CFDP1: variants seen among roughly 807,000 people sequenced by gnomAD.
CFDP1 encodes the protein chromatin remodeling protein CFDP1, also known as heterochromatin-stabilizing protein CFDP1.
CFDP1 carries 31 observed loss-of-function variants against 40.1 expected under a neutral mutation model. That is an observed-to-expected ratio of 0.77 (90% CI 0.58 to 1.04). CFDP1 has a LOEUF of 1.04. Ranked by LOEUF, CFDP1 falls within the 50% of genes least tolerant of loss-of-function variation. The pLI is 0.00. For missense variants in CFDP1, 423 were observed against 343.4 expected (o/e 1.23, Z -1.83); for synonymous variants, 167 against 120.0 (o/e 1.39, Z -2.56).
intron 5 of CFDP1, among the ~76,000 whole-genome samples, chr16:75,340,174 A>G (rs114857016): frequency 5.3e-4 from 80 of 152,330 alleles, no homozygotes; most frequent in African/African-American, 1.8e-3. Flanking sequence ...CGACTGATAA[A>G]ATCACATTTC....
chr16:75,331,038 TTCACA>T (rs1444687910), intron 5 of CFDP1, among the ~76,000 whole-genome samples: 18 of 151,746 alleles, frequency 1.2e-4, no homozygotes, highest in African/African-American at 4.4e-4. Flanking sequence ...TGGGACTTAT[TTCACA>T]GCTATTCAGG....
At chr16:75,319,216 G>A (rs145298437) in intron 5 of CFDP1, among the ~76,000 whole-genome samples, 1,580 of 152,004 alleles carry the variant, frequency 0.01, 17 homozygotes, top group African/African-American at 0.037. Flanking sequence ...GCTAATTTTT[G>A]TATTTTTAGT....
chr16:75,358,709 C>T (rs2078662236), intron 5 of CFDP1, among the ~76,000 whole-genome samples: 1 of 152,082 alleles, frequency 6.6e-6, no homozygotes, highest in Non-Finnish European at 1.5e-5. Context: ...CAGACATTTT[C>T]TCTTTTCTCG....
intron 1 of CFDP1, among the ~76,000 whole-genome samples, chr16:75,428,854 C>T (rs1255994860): frequency 2.0e-5 from 3 of 152,066 alleles, no homozygotes; most frequent in African/African-American, 4.8e-5. Context: ...TAGAGGCTCA[C>T]GCCTGTAATC....
At chr16:75,409,509 T>G (rs2079136972) in intron 4 of CFDP1, 1 of 152,216 alleles carries the variant, frequency 6.6e-6, no homozygotes, top group African/African-American at 2.4e-5. Flanking sequence ...TTCTAGTAAT[T>G]CCTTTTTATT....
At chr16:75,398,860 C>T (rs2079021711) in intron 4 of CFDP1, among the ~76,000 whole-genome samples, 2 of 151,974 alleles carry the variant, frequency 1.3e-5, no homozygotes, top group Admixed American at 1.3e-4. Context: ...TGAGACCACC[C>T]TGGCTAACAC....
chr16:75,365,482 T>A (rs956660534), intron 5 of CFDP1, among the ~76,000 whole-genome samples: 9 of 152,164 alleles, frequency 5.9e-5, no homozygotes, highest in Non-Finnish European at 2.9e-5. Context: ...AGAAAGATGC[T>A]TCTCCATGGG....
At chr16:75,414,543 C>A in intron 2 of CFDP1, 35 bp downstream of exon 2, 1 of 1,246,766 alleles carries the variant, frequency 8.0e-7, no homozygotes, top group Non-Finnish European at 1.2e-6. Flanking sequence ...GTGACAATAG[C>A]CCCTAACTTC....
intron 5 of CFDP1, among the ~76,000 whole-genome samples, chr16:75,312,314 T>A (rs2078297686): frequency 6.6e-6 from 1 of 152,198 alleles, no homozygotes; most frequent in South Asian, 2.1e-4. Flanking sequence ...ACCAGAAGTA[T>A]GACAAGAAGT....
chr16:75,419,689 A>G (rs1176800011), intron 1 of CFDP1, among the ~76,000 whole-genome samples: 1 of 152,184 alleles, frequency 6.6e-6, no homozygotes, highest in African/African-American at 2.4e-5. Flanking sequence ...CCTTGCTGAT[A>G]AAACAGTCTG....
At chr16:75,338,997 G>T (rs1409232659) in intron 5 of CFDP1, among the ~76,000 whole-genome samples, 1 of 152,070 alleles carries the variant, frequency 6.6e-6, no homozygotes, top group African/African-American at 2.4e-5. Flanking sequence ...TAACTTCACA[G>T]TGGGCACTCA....
At chr16:75,360,408 T>G (rs1232110073) in intron 5 of CFDP1, among the ~76,000 whole-genome samples, 1 of 152,216 alleles carries the variant, frequency 6.6e-6, no homozygotes, top group Non-Finnish European at 1.5e-5. Context: ...TATGACAATC[T>G]GAGCTTCAAA....
intron 5 of CFDP1, among the ~76,000 whole-genome samples, chr16:75,384,353 T>G (rs2078875311): frequency 1.3e-5 from 2 of 151,848 alleles, no homozygotes; most frequent in South Asian, 2.1e-4. Context: ...AGAGTGAGAC[T>G]CCATCTCAAA....
At chr16:75,311,106 G>A (rs571969925) in intron 5 of CFDP1, among the ~76,000 whole-genome samples, 1 of 152,196 alleles carries the variant, frequency 6.6e-6, no homozygotes, top group Non-Finnish European at 1.5e-5. Flanking sequence ...CTGAAGGGAT[G>A]TTTAGTCCAA....
chr16:75,416,085 C>A (rs1270417401), intron 1 of CFDP1, among the ~76,000 whole-genome samples: 2 of 152,112 alleles, frequency 1.3e-5, no homozygotes, highest in East Asian at 1.9e-4. Context: ...ATTCTGACCT[C>A]AGGTGATCCA....
At chr16:75,365,674 A>G (rs2078708628) in intron 5 of CFDP1, among the ~76,000 whole-genome samples, 4 of 152,150 alleles carry the variant, frequency 2.6e-5, no homozygotes, top group Admixed American at 2.0e-4. Context: ...GTGCCTCACT[A>G]TACTCCAGCT....
chr16:75,383,114 C>T (rs1009901245), intron 5 of CFDP1, among the ~76,000 whole-genome samples: 4 of 152,184 alleles, frequency 2.6e-5, no homozygotes, highest in African/African-American at 9.7e-5. Context: ...ATTGGCCTAG[C>T]TTTAAATTAT....
chr16:75,411,002 T>C (rs1056693851), intron 4 of CFDP1, among the ~76,000 whole-genome samples: 1 of 149,434 alleles, frequency 6.7e-6, no homozygotes, highest in African/African-American at 2.5e-5. Flanking sequence ...GTGGATCACC[T>C]GAGGTCAGGA....
intron 1 of CFDP1, among the ~76,000 whole-genome samples, chr16:75,428,884 A>T (rs2079374946): frequency 6.6e-6 from 1 of 152,098 alleles, no homozygotes; most frequent in South Asian, 2.1e-4. Flanking sequence ...TGGGAGGCCG[A>T]GGCAGGCAGA....
Sources: allele counts gnomAD v4.1 joint callset (sites outside exome capture counted in the v4.1 genomes callset), GRCh38; gene constraint gnomAD v4.1.1; transcripts MANE v1.5; gene names NCBI Gene and HGNC (gene_info 2026-07-23, HGNC 2026-07-21).